Variants in CIMAP3 observed in about 807,000 individuals in gnomAD.
CIMAP3 encodes the protein ciliary microtubule associated protein 3.
the CIMAP3 span, among the ~76,000 whole-genome samples, chr1:111,338,720 C>T: frequency 6.6e-6 from 1 of 151,954 alleles, no homozygotes; most frequent in Admixed American, 6.6e-5. Context: ...CAATAGCTTA[C>T]CAACCAAAAA....
At chr1:111,337,696 C>G in the CIMAP3 span, among the ~76,000 whole-genome samples, 1 of 152,164 alleles carries the variant, frequency 6.6e-6, no homozygotes, top group African/African-American at 2.4e-5. Context: ...ATTCATAAAG[C>G]AAGTCCTGAG....
the CIMAP3 span, chr1:111,324,798 A>C: frequency 1.0e-6 from 1 of 985,310 alleles, no homozygotes; most frequent in Non-Finnish European, 1.2e-6. Flanking sequence ...AGGAATCCAG[A>C]AGGTCCATGC....
chr1:111,344,478 C>T, the CIMAP3 span, among the ~76,000 whole-genome samples: 1 of 152,184 alleles, frequency 6.6e-6, no homozygotes, highest in African/African-American at 2.4e-5. Flanking sequence ...GGAACAGCAG[C>T]ACCAAGGTTG....
At chr1:111,348,443 T>G in the CIMAP3 span, 1 of 1,372,090 alleles carries the variant, frequency 7.3e-7, no homozygotes, top group Non-Finnish European at 9.7e-7. Context: ...TTCTGTTTTT[T>G]CTACCTGGAA....
chr1:111,338,564 T>G, the CIMAP3 span, among the ~76,000 whole-genome samples: 2 of 152,156 alleles, frequency 1.3e-5, no homozygotes, highest in East Asian at 3.8e-4. Context: ...CATCAGAGAT[T>G]ACTATAAACA....
the CIMAP3 span, among the ~76,000 whole-genome samples, chr1:111,335,127 CAAAAAAAAAAAAAAA>C: frequency 8.5e-4 from 25 of 29,336 alleles, 2 homozygotes; most frequent in South Asian, 4.3e-3. Flanking sequence ...GTCTCTGTCT[CAAAAAAAAAAAAAAA>C]AAAAAAAAAA....
the CIMAP3 span, among the ~76,000 whole-genome samples, chr1:111,343,682 T>C: frequency 0.3 from 46,159 of 152,146 alleles, 7,677 homozygotes; most frequent in South Asian, 0.42. Flanking sequence ...ACATGACATA[T>C]AGACAGTCTG....
At chr1:111,347,618 C>CTTTTTTTT in the CIMAP3 span, 21 of 929,690 alleles carry the variant, frequency 2.3e-5, no homozygotes, top group South Asian at 1.1e-4. Context: ...GTTGTTTTTT[C>CTTTTTTTT]TTTCTTTTTT....
At chr1:111,329,516 CATATATATATATATATATATATATATAT>C in the CIMAP3 span, among the ~76,000 whole-genome samples, 21 of 106,286 alleles carry the variant, frequency 2.0e-4, no homozygotes, top group Admixed American at 1.0e-3. Flanking sequence ...CACATAAACC[CATATATATATATATATATATATATATAT>C]ATATATATAT....
chr1:111,336,786 C>T, the CIMAP3 span, among the ~76,000 whole-genome samples: 1 of 152,098 alleles, frequency 6.6e-6, no homozygotes, highest in Non-Finnish European at 1.5e-5. Flanking sequence ...GGATATTATC[C>T]AGGAGAACTT....
the CIMAP3 span, among the ~76,000 whole-genome samples, chr1:111,340,978 C>T: frequency 6.6e-5 from 10 of 151,638 alleles, no homozygotes; most frequent in African/African-American, 2.4e-4. Context: ...CAATGATAGA[C>T]TGGATTAAGA....
At chr1:111,331,609 A>G in the CIMAP3 span, among the ~76,000 whole-genome samples, 46,086 of 151,816 alleles carry the variant, frequency 0.3, 7,661 homozygotes, top group South Asian at 0.42. Flanking sequence ...TCCTTATTTC[A>G]TTGAATTTTC....
At chr1:111,350,304 C>T in the CIMAP3 span, 1 of 1,136,386 alleles carries the variant, frequency 8.8e-7, no homozygotes, top group South Asian at 1.5e-5. Context: ...AATTAGGGGT[C>T]TGTGAATGAA....
chr1:111,351,166 G>GTTT, the CIMAP3 span: 6,952 of 575,048 alleles, frequency 0.012, 102 homozygotes, highest in South Asian at 0.016. Flanking sequence ...ATAATGTACA[G>GTTT]TTTTTTTTTT....
the CIMAP3 span, among the ~76,000 whole-genome samples, chr1:111,345,895 C>G: frequency 6.6e-6 from 1 of 152,182 alleles, no homozygotes; most frequent in Non-Finnish European, 1.5e-5. Flanking sequence ...CCAAGTACCA[C>G]GTTCTGAACT....
chr1:111,340,597 C>G, the CIMAP3 span, among the ~76,000 whole-genome samples: 1 of 152,138 alleles, frequency 6.6e-6, no homozygotes, highest in Non-Finnish European at 1.5e-5. Flanking sequence ...CCAAAAATCA[C>G]ATGAAAAAAT....
the CIMAP3 span, among the ~76,000 whole-genome samples, chr1:111,327,965 T>C: frequency 1.3e-5 from 2 of 152,152 alleles, no homozygotes; most frequent in African/African-American, 4.8e-5. Flanking sequence ...ATCTTTCTAA[T>C]GTTCTGATGT....
the CIMAP3 span, among the ~76,000 whole-genome samples, chr1:111,333,637 A>G: frequency 6.6e-6 from 1 of 152,162 alleles, no homozygotes; most frequent in African/African-American, 2.4e-5. Context: ...CCTGACTCCC[A>G]GCAGATTTGA....
At chr1:111,348,259 G>A in the CIMAP3 span, 5 of 289,006 alleles carry the variant, frequency 1.7e-5, no homozygotes, top group Non-Finnish European at 3.2e-5. Context: ...CATAGTGGCC[G>A]TGATAAGTTG....
Sources: allele counts gnomAD v4.1 joint callset (sites outside exome capture counted in the v4.1 genomes callset), GRCh38; gene constraint gnomAD v4.1.1; transcripts MANE v1.5; gene names NCBI Gene and HGNC (gene_info 2026-07-23, HGNC 2026-07-21).